Variants in MYO1E observed in about 807,000 individuals in gnomAD.
MYO1E encodes myosin IE, also known as unconventional myosin-Ie.
A neutral mutation model predicts 151.1 loss-of-function variants in MYO1E; 68 were observed. The ratio of observed to expected loss-of-function variants is 0.45; its 90% confidence interval spans 0.37 to 0.55. The LOEUF is 0.55. Ranked by LOEUF, MYO1E falls within the 20% of genes least tolerant of loss-of-function variation. The pLI is 0.00. For synonymous variants in MYO1E, 601 were observed against 501.7 expected (o/e 1.20, Z -2.64); for missense variants, 1,363 against 1,389.3 (o/e 0.98, Z 0.30).
chr15:59,195,910 C>T (rs1166495098), intron 16 of MYO1E, among the ~76,000 whole-genome samples: 1 of 152,194 alleles, frequency 6.6e-6, no homozygotes, highest in Non-Finnish European at 1.5e-5. Context: ...TGTCAGTTAA[C>T]AAACTAAGTT....
rs2079827477 is a variant in MYO1E, at chr15:59,205,472, A to G, written c.1544T>C (p.Met515Thr). The change falls in exon 15 of 28, where the codon ATG becomes ACG. Residue 515 changes from methionine (M) to threonine (T), a missense_variant. Met to Thr is a moderately conservative substitution (Grantham distance 81). Coordinates refer to ENST00000288235, the MANE Select transcript of MYO1E (RefSeq NM_004998.4). ...HHYAGKVSYD[M>T]DGFCERNRDV... ...CCGGTTCCTTTCACAAAAGCCATCC[A>G]TGTCATAGGATACCTGGCCAAGAAT... The G allele has an allele frequency of 2.5e-6, 4 of 1,614,046 alleles. No individual in the cohort carries two copies. Among genetic ancestry groups the G allele is most frequent in the East Asian group, 4.5e-5 (2 of 44,886 alleles).
chr15:59,223,318 A>G (rs1566984124), intron 8 of MYO1E, 127 bp from the exon 9 acceptor site: 3 of 882,594 alleles, frequency 3.4e-6, no homozygotes, highest in Admixed American at 3.2e-5. Context: ...TTACAAAGAA[A>G]AAAAAAAAAA....
chr15:59,262,344 T>C (rs568516698), intron 2 of MYO1E, among the ~76,000 whole-genome samples: 2 of 152,244 alleles, frequency 1.3e-5, no homozygotes, highest in South Asian at 4.1e-4. Flanking sequence ...CCAGGTGCAG[T>C]GGCTCATGCC....
chr15:59,167,497 T>C (rs2140313635), intron 22 of MYO1E, among the ~76,000 whole-genome samples: 1 of 152,220 alleles, frequency 6.6e-6, no homozygotes, highest in East Asian at 1.9e-4. Flanking sequence ...AGGCCAGTAC[T>C]TGAACAAGAA....
chr15:59,221,339 G>A (rs2079954874), intron 9 of MYO1E, among the ~76,000 whole-genome samples: 1 of 151,962 alleles, frequency 6.6e-6, no homozygotes, highest in Non-Finnish European at 1.5e-5. Flanking sequence ...AAAAGCAACT[G>A]TAGAACATTG....
intron 1 of MYO1E, among the ~76,000 whole-genome samples, chr15:59,333,286 C>T (rs1445224302): frequency 1.3e-5 from 2 of 152,154 alleles, no homozygotes; most frequent in African/African-American, 2.4e-5. Context: ...GTTACCCAGG[C>T]TGGAGTGCAG....
At chr15:59,146,715 C>T (rs1310282378) in intron 26 of MYO1E, among the ~76,000 whole-genome samples, 3 of 148,326 alleles carry the variant, frequency 2.0e-5, no homozygotes, top group Non-Finnish European at 3.0e-5. Flanking sequence ...ATATATATTA[C>T]TTATATTGTA....
At chr15:59,341,016 C>CAA (rs35367694) in intron 1 of MYO1E, among the ~76,000 whole-genome samples, 7 of 86,246 alleles carry the variant, frequency 8.1e-5, no homozygotes, top group African/African-American at 1.8e-4. Flanking sequence ...GACTCCATCT[C>CAA]AAAAAAAAAA....
intron 1 of MYO1E, among the ~76,000 whole-genome samples, chr15:59,340,970 G>C (rs1033448089): frequency 2.3e-4 from 30 of 129,444 alleles, no homozygotes; most frequent in African/African-American, 9.0e-4. Flanking sequence ...AGTGAGCTGA[G>C]ATCCCGCCAC....
intron 3 of MYO1E, among the ~76,000 whole-genome samples, chr15:59,259,769 C>A (rs78094881): frequency 6.6e-6 from 1 of 152,190 alleles, no homozygotes; most frequent in Non-Finnish European, 1.5e-5. Context: ...TGTGGTCTTA[C>A]TGAACCTCTC....
At chr15:59,274,997 G>T (rs2080309596) in intron 1 of MYO1E, among the ~76,000 whole-genome samples, 2 of 152,182 alleles carry the variant, frequency 1.3e-5, no homozygotes, top group South Asian at 4.1e-4. Flanking sequence ...TTTGATTTGT[G>T]GAGGGTGTTC....
intron 22 of MYO1E, among the ~76,000 whole-genome samples, chr15:59,169,697 T>C (rs1359041965): frequency 2.0e-5 from 3 of 152,122 alleles, no homozygotes; most frequent in Admixed American, 2.0e-4. Context: ...AAAAAGAAGC[T>C]GGTGCTCCCA....
chr15:59,312,556 C>T (rs751828360), intron 1 of MYO1E, among the ~76,000 whole-genome samples: 1 of 152,152 alleles, frequency 6.6e-6, no homozygotes, highest in African/African-American at 2.4e-5. Flanking sequence ...CTGGCTGTTA[C>T]AATGGCATCA....
chr15:59,252,672 G>C (rs1331855266), intron 4 of MYO1E, among the ~76,000 whole-genome samples: 1 of 148,204 alleles, frequency 6.7e-6, no homozygotes, highest in Admixed American at 6.7e-5. Flanking sequence ...CCAAGATCGT[G>C]CCACTGCACT....
intron 26 of MYO1E, among the ~76,000 whole-genome samples, chr15:59,142,233 G>A (rs183024962): frequency 1.2e-4 from 18 of 152,214 alleles, no homozygotes; most frequent in Admixed American, 5.9e-4. Flanking sequence ...TGGGCACAGC[G>A]GGCCAGTTGA....
chr15:59,223,275 G>T, intron 8 of MYO1E, 84 bp from the exon 9 acceptor site: 1 of 1,529,642 alleles, frequency 6.5e-7, no homozygotes, highest in Non-Finnish European at 9.0e-7. Context: ...CACAGCAGCT[G>T]CTCTAAATAA....
chr15:59,341,778 T>TA (rs1438396071), intron 1 of MYO1E, among the ~76,000 whole-genome samples: 1 of 152,196 alleles, frequency 6.6e-6, no homozygotes, highest in Non-Finnish European at 1.5e-5. Flanking sequence ...GATGGACACT[T>TA]AGGTTGATTC....
At position 59,372,588 on chromosome 15, in the gene MYO1E, G is replaced by C. The variant is rs2080954526; in HGVS notation, c.-88C>G. 2 of 1,495,984 alleles carry C rather than the reference G, an allele frequency of 1.3e-6. No individual in the cohort carries two copies. Among genetic ancestry groups the C allele is most frequent in the Admixed American group, 2.1e-5 (1 of 48,096 alleles). 92.7% of individuals were successfully genotyped at this position (1,495,984 alleles called of 1,614,324 possible). ...GCAGTCTTCTGGGCGAACTTCAAAA[G>C]TTGGTTCCCCTCGCCAAAAACAGGC... is the stretch of plus-strand genomic sequence containing the variant. On this transcript the variant is annotated 5_prime_UTR_variant, in exon 1 of 28. Coordinates refer to ENST00000288235, the MANE Select transcript of MYO1E (RefSeq NM_004998.4).
intron 22 of MYO1E, among the ~76,000 whole-genome samples, chr15:59,170,997 T>C (rs1190218834): frequency 6.6e-6 from 1 of 152,160 alleles, no homozygotes; most frequent in East Asian, 1.9e-4. Context: ...CCAAAGCTTT[T>C]CCTGATTAAA....
Sources: gnomAD v4.1 joint callset for allele counts (sites outside exome capture counted in the v4.1 genomes callset) on GRCh38, gnomAD v4.1.1 for gene constraint, MANE v1.5 for transcripts, NCBI Gene and HGNC (gene_info 2026-07-23, HGNC 2026-07-21) for gene names.